ZFAT: variants seen among roughly 807,000 people sequenced by gnomAD.
ZFAT encodes the protein zinc finger and AT-hook domain containing.
In ZFAT, 64 loss-of-function variants were observed where a neutral mutation model predicts 117.7. The observed-to-expected ratio is 0.54, with a 90% CI of 0.44 to 0.67. The LOEUF (loss-of-function observed/expected upper bound fraction) is 0.67. Among genes scored for constraint, ZFAT ranks in the 30% least tolerant of loss-of-function variants. The pLI is 0.00. For synonymous variants in ZFAT, 679 were observed against 615.0 expected (o/e 1.10, Z -1.54); for missense variants, 1,433 against 1,584.5 (o/e 0.90, Z 1.62).
chr8:134,699,080 T>C (rs1315125434), intron 1 of ZFAT, among the ~76,000 whole-genome samples: 1 of 152,146 alleles, frequency 6.6e-6, no homozygotes, highest in Non-Finnish European at 1.5e-5. Context: ...TGTATCTCTA[T>C]ATTCCCACAT....
the ZFAT span, among the ~76,000 whole-genome samples, chr8:134,761,632 G>A: frequency 6.6e-6 from 1 of 151,874 alleles, no homozygotes; most frequent in Non-Finnish European, 1.5e-5. Context: ...CCTGGGAGGT[G>A]TAGGTTGCAG....
intron 3 of ZFAT, among the ~76,000 whole-genome samples, chr8:134,622,001 T>A (rs1829147549): frequency 6.6e-6 from 1 of 152,174 alleles, no homozygotes; most frequent in Non-Finnish European, 1.5e-5. Flanking sequence ...GCAGAATGAG[T>A]CACTGTAAGG....
intron 7 of ZFAT, chr8:134,599,320 T>C: frequency 6.1e-6 from 1 of 162,666 alleles, no homozygotes; most frequent in Admixed American, 5.8e-5. Flanking sequence ...TGCGCGCGCA[T>C]GCATATAAGT....
rs1817073437 is a variant in ZFAT at position 134,478,765 on chromosome 8, C to T, written c.3493-44G>A. 2 of 1,527,964 alleles carry T rather than the reference C, an allele frequency of 1.3e-6. No individual in the cohort carries two copies. 94.7% of individuals were successfully genotyped at this position (1,527,964 alleles called of 1,614,324 possible). On this transcript the variant is annotated intron_variant, in intron 15 of 15. Coordinates refer to ENST00000377838, the MANE Select transcript of ZFAT (RefSeq NM_020863.4). This position sits in a 1 kb window ranked among gnomAD's most constrained non-coding sequence, Gnocchi z 5.2. ...AGAAAGGTCACCCAGCGCCTACTTC[C>T]CGGTCCAGCGTAACAACAAAGTCAC...
chr8:134,660,986 A>C (rs911792451), intron 1 of ZFAT, among the ~76,000 whole-genome samples: 5 of 152,242 alleles, frequency 3.3e-5, no homozygotes, highest in African/African-American at 1.2e-4. Context: ...AGGCAGGGAA[A>C]CTGGACCTGG....
chr8:134,678,933 T>C (rs1037946694), intron 1 of ZFAT, among the ~76,000 whole-genome samples: 9 of 152,132 alleles, frequency 5.9e-5, no homozygotes, highest in Non-Finnish European at 1.2e-4. Context: ...TATACAAAAA[T>C]TAACTCAAGA....
intron 11 of ZFAT, among the ~76,000 whole-genome samples, chr8:134,539,425 C>A (rs1822085300): frequency 6.6e-6 from 1 of 152,198 alleles, no homozygotes; most frequent in South Asian, 2.1e-4. Flanking sequence ...GCTCAAAGAT[C>A]AGATGTGAAT....
At chr8:134,607,740 T>C (rs1586806760) in intron 5 of ZFAT, among the ~76,000 whole-genome samples, 2 of 152,248 alleles carry the variant, frequency 1.3e-5, no homozygotes, top group East Asian at 1.9e-4. Flanking sequence ...GCATTTTCTT[T>C]GTCTTTCCTT....
At chr8:134,831,701 A>C in the ZFAT span, among the ~76,000 whole-genome samples, 1 of 150,134 alleles carries the variant, frequency 6.7e-6, no homozygotes, top group African/African-American at 2.5e-5. Context: ...GGAGGGGCCC[A>C]CCTGCCTCCC....
chr8:134,823,856 CATG>C, the ZFAT span, among the ~76,000 whole-genome samples: 3 of 152,218 alleles, frequency 2.0e-5, no homozygotes, highest in Admixed American at 6.5e-5. Flanking sequence ...TATTATACTT[CATG>C]ATAAGTGCAA....
At chr8:134,584,169 C>G (rs1825903408) in intron 9 of ZFAT, among the ~76,000 whole-genome samples, 164 bp from the exon 10 acceptor site, 1 of 152,110 alleles carries the variant, frequency 6.6e-6, no homozygotes, top group South Asian at 2.1e-4. Flanking sequence ...CCTAACACAC[C>G]ACACACTTTC....
Position 134,637,551 on chromosome 8 carries a change from T to C in ZFAT, c.358A>G (p.Lys120Glu), listed in dbSNP as rs1830293731. Residue 120 changes from lysine (K) to glutamate (E), a missense_variant, in exon 3 of 16, where the codon AAG becomes GAG. Physicochemically the swap from Lys to Glu is moderately conservative, Grantham distance 56. Around this residue, in one of 5 missense-constraint regions of ZFAT, gnomAD observed 436 missense variants for 482.0 expected, o/e 0.90. Coordinates refer to ENST00000377838, the MANE Select transcript of ZFAT (RefSeq NM_020863.4). ...SLPPSSLECSKCCRKFSNTRQ... is the reference protein window; with the variant it reads ...SLPPSSLECSECCRKFSNTRQ... ...GTGTTGGAGAACTTCCGACAGCACT[T>C]GCTACACTCCAAGCTGCTTGGAGGC... 5.6e-6 allele frequency: 9 copies of C among 1,614,242 alleles called. No individual in the cohort carries two copies. Among genetic ancestry groups the C allele is most frequent in the Non-Finnish European group, 7.6e-6 (9 of 1,180,028 alleles).
chr8:134,521,036 G>T (rs2130470607), intron 12 of ZFAT, 35 bp from the exon 13 acceptor site: 2 of 1,515,642 alleles, frequency 1.3e-6, no homozygotes, highest in Non-Finnish European at 1.8e-6. Flanking sequence ...AAAAAAATGT[G>T]TTCGTAATAC....
chr8:134,823,794 A>C, the ZFAT span, among the ~76,000 whole-genome samples: 2 of 152,260 alleles, frequency 1.3e-5, no homozygotes, highest in Non-Finnish European at 2.9e-5. Context: ...TGAATCTAAG[A>C]TATCACTTAA....
chr8:134,710,573 A>G (rs1182048674), intron 1 of ZFAT, among the ~76,000 whole-genome samples: 1 of 152,194 alleles, frequency 6.6e-6, no homozygotes, highest in Admixed American at 6.5e-5. Flanking sequence ...AGGATCCCAT[A>G]TCCAAAATGC....
chr8:134,774,263 C>G, the ZFAT span, among the ~76,000 whole-genome samples: 1 of 152,158 alleles, frequency 6.6e-6, no homozygotes, highest in African/African-American at 2.4e-5. Context: ...TCCCAAAATG[C>G]TGGGATTACA....
chr8:134,736,439 A>G, the ZFAT span, among the ~76,000 whole-genome samples: 1 of 152,188 alleles, frequency 6.6e-6, no homozygotes, highest in African/African-American at 2.4e-5. Context: ...CTCCATTTCA[A>G]CAAAGTTGTC....
chr8:134,780,738 T>C, the ZFAT span, among the ~76,000 whole-genome samples: 23 of 152,314 alleles, frequency 1.5e-4, no homozygotes, highest in Non-Finnish European at 2.4e-4. Context: ...ACCTGACAGA[T>C]AGTAGATGCT....
At chr8:134,547,191 G>C (rs1822764162) in intron 11 of ZFAT, among the ~76,000 whole-genome samples, 2 of 152,196 alleles carry the variant, frequency 1.3e-5, no homozygotes, top group Non-Finnish European at 2.9e-5. Flanking sequence ...AGGTCTGTTG[G>C]ATCCTAATGT....
Sources: gnomAD v4.1 joint callset for allele counts (sites outside exome capture counted in the v4.1 genomes callset) on GRCh38, gnomAD v4.1.1 for gene constraint, gnomAD v4.1.1 regional missense constraint, Gnocchi (gnomAD v3.1) non-coding constraint, MANE v1.5 for transcripts, NCBI Gene and HGNC (gene_info 2026-07-23, HGNC 2026-07-21) for gene names.